BABAM2: variants seen among roughly 807,000 people sequenced by gnomAD.
BABAM2 encodes the protein BRISC and BRCA1-A complex member 2.
A neutral mutation model predicts 54.7 loss-of-function variants in BABAM2; 31 were observed. The ratio of observed to expected loss-of-function variants is 0.57; its 90% confidence interval spans 0.43 to 0.77. The LOEUF is 0.77. Among genes scored for constraint, BABAM2 ranks in the 30% least tolerant of loss-of-function variants. The probability of loss-of-function intolerance (pLI) is 0.00; values close to 1 mark genes in which losing one functional copy is unlikely to be tolerated. For synonymous variants in BABAM2, 167 were observed against 162.9 expected, an observed-to-expected ratio of 1.03 and a Z score of -0.19; for missense variants, 364 against 455.8, an observed-to-expected ratio of 0.80 and a Z score of 1.83.
chr2:28,066,320 GTCATA>G (rs749658245), intron 6 of BABAM2, among the ~76,000 whole-genome samples: 2 of 151,916 alleles, frequency 1.3e-5, no homozygotes, highest in Non-Finnish European at 2.9e-5. Flanking sequence ...GTACTTATTA[GTCATA>G]TCAGTAATAT....
At chr2:28,167,168 C>T (rs1196684566) in intron 7 of BABAM2, among the ~76,000 whole-genome samples, 1 of 152,172 alleles carries the variant, frequency 6.6e-6, no homozygotes, top group Non-Finnish European at 1.5e-5. Context: ...GATTGTGTGA[C>T]TAATTCCATA....
chr2:28,143,309 G>A (rs2147751617), intron 7 of BABAM2, among the ~76,000 whole-genome samples: 1 of 152,114 alleles, frequency 6.6e-6, no homozygotes, highest in South Asian at 2.1e-4. Flanking sequence ...CAAATACACA[G>A]AAACAGAGAG....
chr2:28,072,478 C>T lies in BABAM2; in HGVS notation c.570+26679C>T, dbSNP rs186256531. On this transcript the variant is annotated intron_variant, in intron 6 of 11. Coordinates refer to ENST00000379624, the MANE Select transcript of BABAM2 (RefSeq NM_199191.3). ...TTGGCTCACTGCAAGCTCCGCTTCC[C>T]GGGTTCATGCCATTCTCCTGCCTCA... Among the ~76,000 whole-genome samples, 427 of 152,218 alleles carry T rather than the reference C, an allele frequency of 2.8e-3. 2 individuals carry two copies. The highest frequency in any genetic ancestry group is 9.8e-3 in the African/African-American group (407 of 41,562).
intron 7 of BABAM2, among the ~76,000 whole-genome samples, chr2:28,216,697 A>T (rs1271855945): frequency 2.0e-5 from 3 of 152,222 alleles, no homozygotes; most frequent in Non-Finnish European, 4.4e-5. Flanking sequence ...CCTACTGTGT[A>T]GAGAGCTCAG....
upstream of BABAM2, chr2:27,890,272 A>G: frequency 6.2e-7 from 1 of 1,613,794 alleles, no homozygotes. This position sits in a 1 kb window ranked among gnomAD's most constrained non-coding sequence, Gnocchi z 4.8. Context: ...CAGGTCGGTC[A>G]TGCAGGAGCC....
In BABAM2 at chr2:27,989,493, C is replaced by T. The variant is rs547669081; in HGVS notation, c.300+1406C>T. On this transcript the variant is annotated intron_variant, in intron 4 of 11. Transcript: ENST00000379624. The stretch of plus-strand genomic sequence containing the variant: ...TAGCTAGGATTTGTCTAATGTATTT[C>T]AGAAGGCACTGACAGGTTTGCTGAA... Among the ~76,000 whole-genome samples, 4 of 152,262 alleles carry T rather than the reference C, an allele frequency of 2.6e-5. No individual in the cohort carries two copies. The East Asian group carries it at 7.7e-4, about 29-fold the overall frequency.
chr2:27,903,877 A>C (rs1463761482), intron 2 of BABAM2, among the ~76,000 whole-genome samples: 1 of 152,204 alleles, frequency 6.6e-6, no homozygotes, highest in African/African-American at 2.4e-5. Context: ...ATTCCTTATT[A>C]AGTCAAGAAC....
intron 6 of BABAM2, among the ~76,000 whole-genome samples, chr2:28,126,193 G>A (rs1041095709): frequency 2.0e-5 from 3 of 151,600 alleles, no homozygotes; most frequent in South Asian, 4.2e-4. Flanking sequence ...TGCACAATGT[G>A]CAGGTTAGTT....
intron 7 of BABAM2, among the ~76,000 whole-genome samples, chr2:28,234,087 G>T (rs1433114878): frequency 6.6e-6 from 1 of 152,080 alleles, no homozygotes; most frequent in Non-Finnish European, 1.5e-5. Context: ...ACATATTTCA[G>T]CAGAAACAGC....
intron 5 of BABAM2, among the ~76,000 whole-genome samples, chr2:28,026,761 C>CTATA (rs200879848): frequency 1.0e-5 from 1 of 99,302 alleles, no homozygotes; most frequent in Non-Finnish European, 1.8e-5. Context: ...AAATATATAT[C>CTATA]TATATAAATA....
At position 28,052,275 on chromosome 2, in the gene BABAM2, G is replaced by GT. The variant is rs796067357; in HGVS notation, c.570+6486dup. Among the ~76,000 whole-genome samples, 1,079 of 142,594 alleles carry GT rather than the reference G, an allele frequency of 7.6e-3. 10 individuals carry two copies. The highest frequency in any genetic ancestry group is 0.025 in the African/African-American group (966 of 38,928). The allele number at this position is 142,594 out of a possible 152,430, so 93.5% of individuals were successfully genotyped here. A position where few individuals can be genotyped will look rare whatever the true frequency, so the allele number is the denominator to read the frequency against. ...ACTAGCCAAAATAATCATAGAGAAG[G>GT]TTTTTTTTTTGCTTTTTTTTTTTTT... On this transcript the variant is annotated intron_variant, in intron 6 of 11. Transcript: ENST00000379624.
At chr2:27,994,343 A>G (rs1300544428) in intron 4 of BABAM2, among the ~76,000 whole-genome samples, 1 of 152,228 alleles carries the variant, frequency 6.6e-6, no homozygotes, top group Non-Finnish European at 1.5e-5. Context: ...TAACATTTAT[A>G]CAGAAGAGTG....
chr2:28,311,260 CAAAAAAAAAAA>C (rs11309935), intron 11 of BABAM2, among the ~76,000 whole-genome samples: 3 of 110,504 alleles, frequency 2.7e-5, no homozygotes, highest in South Asian at 2.9e-4. Flanking sequence ...GACCCTGTCT[CAAAAAAAAAAA>C]AAAAAAAAGA....
chr2:28,024,176 G>A (rs1342673346), intron 4 of BABAM2, among the ~76,000 whole-genome samples: 2 of 152,200 alleles, frequency 1.3e-5, no homozygotes, highest in East Asian at 1.9e-4. Flanking sequence ...AGGCCGAGGC[G>A]GGCGGATCAT....
chr2:28,235,561 G>C (rs561939281), intron 7 of BABAM2, among the ~76,000 whole-genome samples: 2 of 152,268 alleles, frequency 1.3e-5, no homozygotes, highest in East Asian at 3.9e-4. Flanking sequence ...CCTTTTAGTA[G>C]TGTTTTATAC....
intron 4 of BABAM2, among the ~76,000 whole-genome samples, chr2:28,010,761 A>G (rs923921181): frequency 5.9e-5 from 9 of 152,028 alleles, no homozygotes; most frequent in African/African-American, 2.2e-4. Flanking sequence ...TTATTTAAGG[A>G]CCTGGTTTCT....
chr2:28,215,071 C>CT (rs1679811437), intron 7 of BABAM2, among the ~76,000 whole-genome samples: 1 of 152,100 alleles, frequency 6.6e-6, no homozygotes, highest in African/African-American at 2.4e-5. Flanking sequence ...ATCTTTTTCA[C>CT]TGCATTTACT....
intron 7 of BABAM2, among the ~76,000 whole-genome samples, chr2:28,213,303 C>G (rs11688956): frequency 0.18 from 27,065 of 152,000 alleles, 2,572 homozygotes; most frequent in African/African-American, 0.23. Flanking sequence ...AAACTGAACA[C>G]TAAAGAAGCT....
At chr2:28,101,295 A>T (rs1426618520) in intron 6 of BABAM2, among the ~76,000 whole-genome samples, 1 of 152,112 alleles carries the variant, frequency 6.6e-6, no homozygotes, top group East Asian at 1.9e-4. Flanking sequence ...TTCACACATG[A>T]TTCAAACAGC....
Sources: gnomAD v4.1 joint callset for allele counts (sites outside exome capture counted in the v4.1 genomes callset) on GRCh38, gnomAD v4.1.1 for gene constraint, Gnocchi (gnomAD v3.1) non-coding constraint, MANE v1.5 for transcripts, NCBI Gene and HGNC (gene_info 2026-07-23, HGNC 2026-07-21) for gene names.